MYO9B: variants seen among roughly 807,000 people sequenced by gnomAD.
MYO9B encodes myosin IXB.
MYO9B carries 71 observed loss-of-function variants against 229.5 expected under a neutral mutation model. The observed-to-expected ratio is 0.31, with a 90% CI of 0.26 to 0.38. MYO9B has a LOEUF of 0.38. Ranked by LOEUF, MYO9B falls within the 10% of genes least tolerant of loss-of-function variation. The pLI is 1.00. For missense variants in MYO9B, 2,255 were observed against 2,920.5 expected, an observed-to-expected ratio of 0.77 and a Z score of 5.25; for synonymous variants, 1,185 against 1,235.8, an observed-to-expected ratio of 0.96 and a Z score of 0.86.
intron 8 of MYO9B, among the ~76,000 whole-genome samples, chr19:17,161,951 G>A (rs1225909848): frequency 2.1e-5 from 3 of 146,274 alleles, no homozygotes; most frequent in Admixed American, 7.0e-5. Flanking sequence ...TTGCGCTAGT[G>A]CACTTCAGCC....
chr19:17,189,112 G>T (rs926009104), intron 19 of MYO9B, among the ~76,000 whole-genome samples: 4 of 150,626 alleles, frequency 2.7e-5, no homozygotes, highest in Non-Finnish European at 4.4e-5. Context: ...AATAAGCCGA[G>T]ATCACGCCAT....
intron 28 of MYO9B, 74 bp downstream of exon 28, chr19:17,202,377 C>T: frequency 7.1e-7 from 1 of 1,410,492 alleles, no homozygotes; most frequent in Non-Finnish European, 9.6e-7. Flanking sequence ...TTAGCCACGC[C>T]CACCCATGCC....
chr19:17,095,335 G>A (rs1463424183), intron 1 of MYO9B: 2 of 152,372 alleles, frequency 1.3e-5, no homozygotes, highest in Admixed American at 1.3e-4. Flanking sequence ...AAAAGGAAAC[G>A]CGGTCCCCAT....
chr19:17,166,379 A>AT (rs147200125), intron 10 of MYO9B, among the ~76,000 whole-genome samples: 4,349 of 152,248 alleles, frequency 0.029, 214 homozygotes, highest in African/African-American at 0.1. Flanking sequence ...TGTGATCAGT[A>AT]TTTAAGAATG....
At chr19:17,130,772 CAAA>C (rs71180365) in intron 2 of MYO9B, among the ~76,000 whole-genome samples, 1 of 133,060 alleles carries the variant, frequency 7.5e-6, no homozygotes. Context: ...GACTTGGTCT[CAAA>C]AAAAAAAAAA....
intron 2 of MYO9B, among the ~76,000 whole-genome samples, chr19:17,115,803 C>T (rs576162866): frequency 9.5e-4 from 145 of 151,938 alleles, no homozygotes; most frequent in African/African-American, 3.4e-3. Flanking sequence ...CTCAGCTCCC[C>T]CTTCCCAAAT....
At chr19:17,098,515 C>T (rs1235934016) in intron 1 of MYO9B, among the ~76,000 whole-genome samples, 2 of 152,212 alleles carry the variant, frequency 1.3e-5, no homozygotes, top group African/African-American at 2.4e-5. Flanking sequence ...GCCTCATCTT[C>T]ACACCCTCAG....
intron 2 of MYO9B, among the ~76,000 whole-genome samples, chr19:17,112,695 C>G (rs2057859600): frequency 6.6e-6 from 1 of 152,134 alleles, no homozygotes; most frequent in South Asian, 2.1e-4. Context: ...ATGGGGCATC[C>G]AAGGGAGAAT....
chr19:17,212,334 A>T lies in MYO9B; in HGVS notation c.*24A>T, dbSNP rs1342648531. On this transcript the variant is annotated 3_prime_UTR_variant, in exon 40 of 40. Transcript: ENST00000682292. This position sits in a 1 kb window ranked among gnomAD's most constrained non-coding sequence, Gnocchi z 5.4. ...GAGAGCCACAGCTGACAAAGTCTGCATGTCCGAGGACGGCCCCTGCACTGG... is the reference window on the plus strand; with the variant it reads ...GAGAGCCACAGCTGACAAAGTCTGCTTGTCCGAGGACGGCCCCTGCACTGG... 1 of 1,455,386 alleles carries T rather than the reference A, an allele frequency of 6.9e-7. No homozygotes were observed. The highest frequency in any genetic ancestry group is 1.4e-5 in the African/African-American group (1 of 70,032). 90.2% of individuals were successfully genotyped at this position (1,455,386 alleles called of 1,614,324 possible). A position where few individuals can be genotyped will look rare whatever the true frequency, so the allele number is the denominator to read the frequency against.
chr19:17,125,187 G>C (rs2058003662), intron 2 of MYO9B, among the ~76,000 whole-genome samples: 1 of 151,960 alleles, frequency 6.6e-6, no homozygotes, highest in Non-Finnish European at 1.5e-5. Flanking sequence ...TGTGGTCCCA[G>C]CTACTTGGAG....
chr19:17,115,257 C>T (rs74253206), intron 2 of MYO9B, among the ~76,000 whole-genome samples: 1 of 152,106 alleles, frequency 6.6e-6, no homozygotes, highest in Non-Finnish European at 1.5e-5. Context: ...GGTGCATAAC[C>T]ATGCCCATGC....
Position 17,206,228 on chromosome 19 carries a change from C to T in MYO9B, c.5258-20C>T, listed in dbSNP as rs1199176563. ...CCTGCCAGTGCGCCGCTCACCAGAC[C>T]CACCCCACCCACCCCACAGACCCCG... On this transcript the variant is annotated intron_variant, in intron 32 of 39. Coordinates refer to ENST00000682292, the MANE Select transcript of MYO9B (RefSeq NM_004145.4). 1 of 671,206 alleles carries T rather than the reference C, an allele frequency of 1.5e-6. No individual in the cohort carries two copies. The highest frequency in any genetic ancestry group is 2.5e-6 in the Non-Finnish European group (1 of 405,786). The allele number at this position is 671,206 out of a possible 1,614,324, so 41.6% of individuals were successfully genotyped here.
intron 2 of MYO9B, among the ~76,000 whole-genome samples, chr19:17,114,090 C>T (rs144403780): frequency 1.2e-4 from 19 of 152,256 alleles, no homozygotes; most frequent in African/African-American, 4.6e-4. Flanking sequence ...TCCCGACAAC[C>T]AGAAACGTCT....
intron 1 of MYO9B, among the ~76,000 whole-genome samples, chr19:17,100,011 A>G (rs1473819044): frequency 6.6e-6 from 1 of 150,624 alleles, no homozygotes; most frequent in African/African-American, 2.4e-5. Flanking sequence ...AATCCCAGCT[A>G]CTTGGGAGGC....
intron 1 of MYO9B, among the ~76,000 whole-genome samples, chr19:17,087,956 C>T (rs938226547): frequency 6.6e-6 from 1 of 151,546 alleles, no homozygotes; most frequent in Non-Finnish European, 1.5e-5. Flanking sequence ...GAAAATTAGC[C>T]AGGCGTGGTG....
rs778159678 is a variant in MYO9B at position 17,195,412 on chromosome 19, A to T, written c.3985A>T (p.Ser1329Cys). 3 of 1,608,982 alleles carry T rather than the reference A, an allele frequency of 1.9e-6. No individual in the cohort carries two copies. The East Asian group carries it at 6.7e-5, about 36-fold the overall frequency. Reference protein sequence around the residue: ...VAAASPSAMLSQSLDLSDRHR... With the variant: ...VAAASPSAMLCQSLDLSDRHR... ...CGCCGCCAGCCCTAGTGCCATGCTC[A>T]GCCAGTCCCTGGACCTCAGCGACAG... Residue 1329 changes from serine to cysteine, a missense_variant, in exon 22 of 40, where the codon AGC (serine) becomes TGC (cysteine). Physicochemically the swap from Ser to Cys is moderately radical, Grantham distance 112 (BLOSUM62 -1). Around this residue, in one of 7 missense-constraint regions of MYO9B, gnomAD observed 679 missense variants for 770.2 expected, o/e 0.88. Transcript: ENST00000682292. This position sits in a 1 kb window ranked among gnomAD's most constrained non-coding sequence, Gnocchi z 4.5.
chr19:17,084,753 A>C (rs1023844065), intron 1 of MYO9B, among the ~76,000 whole-genome samples: 15 of 151,962 alleles, frequency 9.9e-5, no homozygotes, highest in African/African-American at 3.6e-4. Context: ...CACACACACA[A>C]AATTAGCCAG....
chr19:17,154,443 C>G, intron 6 of MYO9B, 28 bp downstream of exon 6: 1 of 1,569,798 alleles, frequency 6.4e-7, no homozygotes, highest in Non-Finnish European at 8.7e-7. Flanking sequence ...CGGGGCCTGT[C>G]CCCCAGAGCC....
chr19:17,177,862 T>A (rs978316598), intron 14 of MYO9B: 3 of 152,660 alleles, frequency 2.0e-5, no homozygotes, highest in Admixed American at 2.0e-4. Flanking sequence ...TTTGAGGACA[T>A]CATTGCTTTC....
Sources: allele counts gnomAD v4.1 joint callset (sites outside exome capture counted in the v4.1 genomes callset), GRCh38; gene constraint gnomAD v4.1.1; regional missense constraint gnomAD v4.1.1; non-coding constraint Gnocchi (gnomAD v3.1); transcripts MANE v1.5; gene names NCBI Gene and HGNC (gene_info 2026-07-23, HGNC 2026-07-21).